Variants in EPB41L4B observed in about 807,000 individuals in gnomAD.
The protein encoded by EPB41L4B is erythrocyte membrane protein band 4.1 like 4B, also known as band 4.1-like protein 4B.
In EPB41L4B, 30 loss-of-function variants were observed where a neutral mutation model predicts 112.5. That is an observed-to-expected ratio of 0.27 (90% CI 0.20 to 0.36). EPB41L4B has a LOEUF of 0.36. Among genes scored for constraint, EPB41L4B ranks in the 10% least tolerant of loss-of-function variants. The pLI, the probability that EPB41L4B is intolerant of heterozygous loss-of-function variation, is 1.00. For synonymous variants in EPB41L4B, 408 were observed against 439.7 expected (o/e 0.93, Z 0.90); for missense variants, 1,024 against 1,133.3 (o/e 0.90, Z 1.38).
In EPB41L4B at chr9:109,312,857, C is replaced by T. The variant is rs74544861; in HGVS notation, c.306+7284G>A. 5.1e-3 allele frequency among the ~76,000 whole-genome samples: 784 copies of T among 152,260 alleles called. 14 individuals are homozygous for T. In the East Asian group the frequency reaches 0.069, roughly 13 times the overall value. On this transcript the variant is annotated intron_variant, in intron 1 of 25. Coordinates refer to ENST00000374566, the MANE Select transcript of EPB41L4B (RefSeq NM_019114.5). ...GGGCTTTTCTGACCCCCATCTTCCA[C>T]GCGTTTCCACCTGCTGTTCCCTCCA...
At chr9:109,204,289 C>T (rs1171671614) in intron 18 of EPB41L4B, among the ~76,000 whole-genome samples, 2 of 152,134 alleles carry the variant, frequency 1.3e-5, no homozygotes, top group Non-Finnish European at 2.9e-5. Context: ...CAGCTGACCA[C>T]ACACTAGTGG....
intron 1 of EPB41L4B, among the ~76,000 whole-genome samples, chr9:109,284,104 C>T (rs1209056454): frequency 6.6e-6 from 1 of 151,932 alleles, no homozygotes; most frequent in Non-Finnish European, 1.5e-5. Flanking sequence ...AAAGAAAAAA[C>T]GCACTTAATA....
In EPB41L4B at chr9:109,320,838, C is replaced by G. The variant is rs1382061164; in HGVS notation, c.-392G>C. The G allele has an allele frequency of 2.1e-5, 3 of 145,930 alleles. No individual in the cohort carries two copies. The highest frequency in any genetic ancestry group is 7.4e-5 in the African/African-American group (3 of 40,638). The allele number at this position is 145,930 out of a possible 1,614,324, so 9.0% of individuals were successfully genotyped here. On this transcript the variant is annotated 5_prime_UTR_variant, in exon 1 of 26. Coordinates refer to ENST00000374566, the MANE Select transcript of EPB41L4B (RefSeq NM_019114.5). ...CGGGCTGCGGGCTGCTCCCGCGCCG[C>G]GCGCCGGCCGAGGGCCAGCCGGAGC...
intron 18 of EPB41L4B, among the ~76,000 whole-genome samples, chr9:109,205,684 C>CAT: frequency 6.6e-6 from 1 of 152,340 alleles, no homozygotes; most frequent in Admixed American, 6.5e-5. Flanking sequence ...GCAATTTCAT[C>CAT]ACGCCACAAC....
chr9:109,243,525 T>C, intron 15 of EPB41L4B, 93 bp downstream of exon 15: 1 of 1,232,838 alleles, frequency 8.1e-7, no homozygotes, highest in Non-Finnish European at 1.2e-6. Flanking sequence ...TTATTTCTGA[T>C]GCAGACTTTC....
At chr9:109,271,313 G>C (rs1192279246) in intron 2 of EPB41L4B, among the ~76,000 whole-genome samples, 1 of 152,214 alleles carries the variant, frequency 6.6e-6, no homozygotes, top group Non-Finnish European at 1.5e-5. Flanking sequence ...GAAAAGTCTG[G>C]GGCTGGTGAA....
intron 1 of EPB41L4B, among the ~76,000 whole-genome samples, chr9:109,287,501 G>T (rs1246855760): frequency 1.3e-5 from 2 of 152,218 alleles, no homozygotes; most frequent in Non-Finnish European, 2.9e-5. Context: ...GAGCGTGCCA[G>T]TCAGATGTAT....
intron 1 of EPB41L4B, among the ~76,000 whole-genome samples, chr9:109,311,470 G>A (rs941109978): frequency 6.6e-6 from 1 of 152,172 alleles, no homozygotes; most frequent in African/African-American, 2.4e-5. Flanking sequence ...CGGGGGGACT[G>A]AGCTGGGTAA....
chr9:109,242,900 TC>T (rs1834403242), intron 15 of EPB41L4B, among the ~76,000 whole-genome samples: 1 of 145,416 alleles, frequency 6.9e-6, no homozygotes, highest in Admixed American at 6.8e-5. Context: ...ATAAACACAG[TC>T]CAGCAGATGC....
In EPB41L4B at chr9:109,192,341, T is replaced by C. The variant is rs1417554196; in HGVS notation, c.2238A>G (p.Arg746=). Residue 746 remains arginine, a synonymous_variant, in exon 22 of 26, where the codon CGA becomes CGG. Coordinates refer to ENST00000374566, the MANE Select transcript of EPB41L4B (RefSeq NM_019114.5). ...CCGGCTCCAGGGTAAAGGCACCTCCTCGGTCAGAGGGGCTCTAGGGAGACA... is the reference window on the plus strand; with the variant it reads ...CCGGCTCCAGGGTAAAGGCACCTCCCCGGTCAGAGGGGCTCTAGGGAGACA... ...LSPGAKSPSD[R]GGAFTLEPGD... The C allele has an allele frequency of 6.2e-7, 1 of 1,611,766 alleles. No homozygotes were observed. Among genetic ancestry groups the C allele is most frequent in the African/African-American group, 1.3e-5 (1 of 74,800 alleles).
At chr9:109,199,886 C>T (rs1335540283) in intron 20 of EPB41L4B, among the ~76,000 whole-genome samples, 6 of 152,150 alleles carry the variant, frequency 3.9e-5, no homozygotes, top group Admixed American at 6.5e-5. Context: ...CAGATGAGAC[C>T]GCAGCCCTGA....
chr9:109,275,977 A>G (rs1216986438), intron 2 of EPB41L4B, among the ~76,000 whole-genome samples: 1 of 151,526 alleles, frequency 6.6e-6, no homozygotes, highest in African/African-American at 2.4e-5. Flanking sequence ...CTTGTCCCCA[A>G]GAATCACCGA....
chr9:109,237,040 C>T (rs1171523319), intron 15 of EPB41L4B, among the ~76,000 whole-genome samples: 1 of 152,150 alleles, frequency 6.6e-6, no homozygotes, highest in Non-Finnish European at 1.5e-5. Context: ...TTTTAAAGGA[C>T]TAGTTAAAAG....
chr9:109,241,937 T>A, intron 15 of EPB41L4B: 1 of 798,338 alleles, frequency 1.3e-6, no homozygotes, highest in Non-Finnish European at 2.0e-6. Context: ...GGGATGGCTA[T>A]GAATGGAAAT....
At position 109,203,745 on chromosome 9, in the gene EPB41L4B, A is replaced by C; in HGVS notation, c.1879-15T>G. 1 of 1,609,970 alleles carries C rather than the reference A, an allele frequency of 6.2e-7. No individual in the cohort carries two copies. Among genetic ancestry groups the C allele is most frequent in the South Asian group, 1.1e-5 (1 of 90,878 alleles). On this transcript the variant is annotated splice_polypyrimidine_tract_variant and intron_variant, in intron 18 of 25. Coordinates refer to ENST00000374566, the MANE Select transcript of EPB41L4B (RefSeq NM_019114.5). ...TCCTTTCCACCCTGTTAAAGAAAGC[A>C]TTCAGGTTAGTCAAAACTGAATATG...
At position 109,174,816 on chromosome 9, in the gene EPB41L4B, A is replaced by T. The variant is rs527295662; in HGVS notation, c.2634-193T>A. On this transcript the variant is annotated intron_variant, in intron 25 of 25. Coordinates refer to ENST00000374566, the MANE Select transcript of EPB41L4B (RefSeq NM_019114.5). ...GGCTACTTACTGGTTTCTCAGTCCC[A>T]CCATGCTGAGAGTTCCTGGCTGACT... Among the ~76,000 whole-genome samples the T allele has an allele frequency of 2.4e-4, 36 of 151,242 alleles. No individual in the cohort carries two copies. The South Asian group carries it at 7.3e-3, about 31-fold the overall frequency.
intron 15 of EPB41L4B, among the ~76,000 whole-genome samples, chr9:109,222,123 G>A (rs1164380930): frequency 6.6e-6 from 1 of 152,144 alleles, no homozygotes; most frequent in Non-Finnish European, 1.5e-5. Context: ...AGATATATAT[G>A]CAGGGAGTGA....
At chr9:109,262,279 T>C (rs1265351727) in intron 6 of EPB41L4B, among the ~76,000 whole-genome samples, 1 of 152,130 alleles carries the variant, frequency 6.6e-6, no homozygotes, top group Non-Finnish European at 1.5e-5. Context: ...CTAGAACCTC[T>C]TAGTCAAGGG....
chr9:109,240,004 C>T lies in EPB41L4B; in HGVS notation c.1409+3614G>A, dbSNP rs1348829459. ...TAAGATCCACTCTTGCCAAGAGCAGCCTCATTCTAGGATGATCTTGCTCCA... is the reference window on the plus strand; with the variant it reads ...TAAGATCCACTCTTGCCAAGAGCAGTCTCATTCTAGGATGATCTTGCTCCA... On this transcript the variant is annotated intron_variant, in intron 15 of 25. Coordinates refer to ENST00000374566, the MANE Select transcript of EPB41L4B (RefSeq NM_019114.5). 3.0e-6 allele frequency: 3 copies of T among 985,270 alleles called. No homozygotes were observed. In the Admixed American group the frequency reaches 1.8e-4, roughly 61 times the overall value. 61.0% of individuals were successfully genotyped at this position (985,270 alleles called of 1,614,324 possible).
Sources: gnomAD v4.1 joint callset for allele counts (sites outside exome capture counted in the v4.1 genomes callset) on GRCh38, gnomAD v4.1.1 for gene constraint, MANE v1.5 for transcripts, NCBI Gene and HGNC (gene_info 2026-07-23, HGNC 2026-07-21) for gene names.